ENO4: variants seen among roughly 807,000 people sequenced by gnomAD.
ENO4 encodes the protein enolase 4.
A neutral mutation model predicts 63.2 loss-of-function variants in ENO4; 53 were observed. That is an observed-to-expected ratio of 0.84 (90% CI 0.67 to 1.05). The LOEUF is 1.05. Among genes scored for constraint, ENO4 ranks in the 50% least tolerant of loss-of-function variants. The probability of loss-of-function intolerance (pLI) is 0.00; values close to 1 mark genes in which losing one functional copy is unlikely to be tolerated. For synonymous variants in ENO4, 266 were observed against 283.8 expected, an observed-to-expected ratio of 0.94 and a Z score of 0.63; for missense variants, 719 against 772.0, an observed-to-expected ratio of 0.93 and a Z score of 0.81.
chr10:116,890,716 C>T (rs1426808467), intron 10 of ENO4, among the ~76,000 whole-genome samples: 2 of 152,198 alleles, frequency 1.3e-5, no homozygotes, highest in Non-Finnish European at 2.9e-5. Flanking sequence ...GCCCCTACTG[C>T]AAGAGAGCCC....
Position 116,881,807 on chromosome 10 carries a change from T to C in ENO4, c.*138T>C, listed in dbSNP as rs1847023866. 1.6e-6 allele frequency: 1 copy of C among 637,876 alleles called. No homozygotes were observed. The highest frequency in any genetic ancestry group is 2.4e-6 in the Non-Finnish European group (1 of 424,200). The allele number at this position is 637,876 out of a possible 1,614,324, so 39.5% of individuals were successfully genotyped here. ...GTGGTTTTTATTCTTCTAATTCCAC[T>C]GTTTGGTAAATTACATATATGATGT... On this transcript the variant is annotated 3_prime_UTR_variant, in exon 14 of 14. Transcript: ENST00000341276.
intron 11 of ENO4, among the ~76,000 whole-genome samples, chr10:116,877,827 C>G (rs930911492): frequency 2.0e-5 from 3 of 152,196 alleles, no homozygotes; most frequent in Non-Finnish European, 4.4e-5. Flanking sequence ...GAAGTAGACA[C>G]TATCATTTCC....
At chr10:116,889,046 AG>A (rs1847252627) in intron 10 of ENO4, among the ~76,000 whole-genome samples, 1 of 152,246 alleles carries the variant, frequency 6.6e-6, no homozygotes, top group East Asian at 1.9e-4. Context: ...CAAAGGAGGT[AG>A]TATTTCTCTC....
intron 1 of ENO4, among the ~76,000 whole-genome samples, chr10:116,854,042 A>G (rs2133243840): frequency 6.6e-6 from 1 of 152,224 alleles, no homozygotes; most frequent in South Asian, 2.1e-4. Context: ...GTTTTCTTGC[A>G]GGCTTCTCGA....
At chr10:116,887,247 C>G (rs1464250921), downstream of ENO4, among the ~76,000 whole-genome samples, 1 of 152,208 alleles carries the variant, frequency 6.6e-6, no homozygotes, top group Non-Finnish European at 1.5e-5. Context: ...CAGTTTTCCA[C>G]AGACTCCTTC....
intron 3 of ENO4, among the ~76,000 whole-genome samples, chr10:116,858,113 C>T (rs1846317735): frequency 6.6e-6 from 1 of 152,060 alleles, no homozygotes; most frequent in African/African-American, 2.4e-5. Flanking sequence ...CATTTTCCCT[C>T]CCCAAACCAC....
At chr10:116,899,434 G>A (rs760161065) in intron 10 of ENO4, among the ~76,000 whole-genome samples, 1 of 151,974 alleles carries the variant, frequency 6.6e-6, no homozygotes, top group Non-Finnish European at 1.5e-5. Flanking sequence ...GCAGCGAAGG[G>A]CCTAGGGTGA....
At position 116,860,819 on chromosome 10, in the gene ENO4, A is replaced by C; in HGVS notation, c.660A>C (p.Lys220Asn). The change falls in exon 5 of 14, where the codon AAA (lysine) becomes AAC (asparagine). Residue 220 changes from lysine (K) to asparagine (N), a missense_variant. By Grantham distance (94) the Lys-to-Asn change is moderately conservative (BLOSUM62 0). Coordinates refer to ENST00000341276, the MANE Select transcript of ENO4 (RefSeq NM_001242699.2). Reference protein sequence around the residue: ...KPGRKDTITEKPIAPAEPVEP... With the variant: ...KPGRKDTITENPIAPAEPVEP... ...GGAGGAAGGATACTATTACAGAGAAACCTATTGCGCCTGCAGAGCCTGTTG... is the reference window on the plus strand; with the variant it reads ...GGAGGAAGGATACTATTACAGAGAACCCTATTGCGCCTGCAGAGCCTGTTG... 6.5e-7 allele frequency: 1 copy of C among 1,530,690 alleles called. No individual in the cohort carries two copies. Among genetic ancestry groups the C allele is most frequent in the South Asian group, 1.2e-5 (1 of 81,390 alleles). The allele number at this position is 1,530,690 out of a possible 1,614,324, so 94.8% of individuals were successfully genotyped here.
chr10:116,849,744 G>A lies in ENO4; in HGVS notation c.165+13G>A, dbSNP rs766536006. On this transcript the variant is annotated intron_variant, in intron 1 of 13. Coordinates refer to ENST00000341276, the MANE Select transcript of ENO4 (RefSeq NM_001242699.2). The stretch of plus-strand genomic sequence containing the variant: ...CTACGGGCACCTGGTAGGGACCTGG[G>A]ACAAGCGCTCTCCTCCCGCCAACCC... The A allele has an allele frequency of 6.0e-6, 9 of 1,497,346 alleles. No homozygotes were observed. The highest frequency in any genetic ancestry group is 5.6e-5 in the African/African-American group (4 of 71,506). 92.8% of individuals were successfully genotyped at this position (1,497,346 alleles called of 1,614,324 possible).
chr10:116,879,192 G>T, intron 11 of ENO4, 99 bp from the exon 12 acceptor site: 1 of 761,332 alleles, frequency 1.3e-6, no homozygotes, highest in Non-Finnish European at 2.1e-6. Flanking sequence ...TCTTCACAGG[G>T]AAGTTTTAAA....
intron 10 of ENO4, chr10:116,901,913 C>G: frequency 1.2e-6 from 2 of 1,606,504 alleles, no homozygotes; most frequent in South Asian, 2.2e-5. Flanking sequence ...GAACCCAACA[C>G]TGGCATGGAT....
At chr10:116,874,336 G>A (rs934719522) in intron 10 of ENO4, 135 bp downstream of exon 10, 116 of 895,446 alleles carry the variant, frequency 1.3e-4, no homozygotes, top group Non-Finnish European at 1.7e-4. Flanking sequence ...CTTTTGGATC[G>A]TTGTCATTCA....
intron 10 of ENO4, among the ~76,000 whole-genome samples, chr10:116,892,636 T>C (rs17095418): frequency 0.052 from 7,869 of 152,294 alleles, 665 homozygotes; most frequent in African/African-American, 0.17. Context: ...GTAGTTTTTC[T>C]TTCAATTTAC....
chr10:116,856,465 T>G lies in ENO4; in HGVS notation c.295-27T>G, dbSNP rs1436320246. ...CTCTTTCTGGGAGAGGTAGGGAAAG[T>G]GTTGAACACATTTATATGATTTTCA... is the stretch of plus-strand genomic sequence containing the variant. On this transcript the variant is annotated intron_variant, in intron 2 of 13. Coordinates refer to ENST00000341276, the MANE Select transcript of ENO4 (RefSeq NM_001242699.2). 14 of 1,524,474 alleles carry G rather than the reference T, an allele frequency of 9.2e-6. No individual in the cohort carries two copies. The East Asian group carries it at 2.9e-4, about 32-fold the overall frequency. The allele number at this position is 1,524,474 out of a possible 1,614,324, so 94.4% of individuals were successfully genotyped here. A position where few individuals can be genotyped will look rare whatever the true frequency, so the allele number is the denominator to read the frequency against.
At chr10:116,868,519 G>C in intron 7 of ENO4, 131 bp from the exon 8 acceptor site, 1 of 750,260 alleles carries the variant, frequency 1.3e-6, no homozygotes, top group Admixed American at 2.0e-5. Context: ...GAGTGCGTGT[G>C]TGTGCGTGTA....
intron 7 of ENO4, among the ~76,000 whole-genome samples, chr10:116,864,547 TTTTA>T (rs1180384192): frequency 1.3e-5 from 2 of 152,166 alleles, no homozygotes; most frequent in Non-Finnish European, 2.9e-5. Flanking sequence ...CTTTTAAATG[TTTTA>T]TTTACTTTGT....
intron 10 of ENO4, among the ~76,000 whole-genome samples, chr10:116,900,001 T>C (rs1847674460): frequency 6.6e-6 from 1 of 152,356 alleles, no homozygotes; most frequent in Admixed American, 6.5e-5. Flanking sequence ...GGTTTAAACA[T>C]TAAATGAATG....
At chr10:116,908,133 T>G (rs891523755) in intron 10 of ENO4, among the ~76,000 whole-genome samples, 2 of 152,194 alleles carry the variant, frequency 1.3e-5, no homozygotes, top group African/African-American at 4.8e-5. Context: ...AGTAACCTGT[T>G]GTCAGGGAGG....
chr10:116,860,375 G>A (rs1846376079), intron 4 of ENO4, among the ~76,000 whole-genome samples: 1 of 152,178 alleles, frequency 6.6e-6, no homozygotes, highest in Non-Finnish European at 1.5e-5. Flanking sequence ...TATTCATGCA[G>A]AGATGTTCAG....
Sources: gnomAD v4.1 joint callset for allele counts (sites outside exome capture counted in the v4.1 genomes callset) on GRCh38, gnomAD v4.1.1 for gene constraint, MANE v1.5 for transcripts, NCBI Gene and HGNC (gene_info 2026-07-23, HGNC 2026-07-21) for gene names.